The following PXDNL variants were observed in gnomAD, a reference collection of about 807,000 sequenced individuals.
PXDNL encodes probable oxidoreductase PXDNL.
A neutral mutation model predicts 150.8 loss-of-function variants in PXDNL; 145 were observed. That is an observed-to-expected ratio of 0.96 (90% confidence interval 0.84 to 1.10). The LOEUF (loss-of-function observed/expected upper bound fraction) is 1.10. Among genes scored for constraint, PXDNL ranks in the 50% least tolerant of loss-of-function variants. The pLI is 0.00. For missense variants in PXDNL, 2,087 were observed against 1,873.9 expected (o/e 1.11, Z -2.10); for synonymous variants, 757 against 725.7 (o/e 1.04, Z -0.69).
At chr8:51,548,094 C>CAAAA (rs35793477) in intron 4 of PXDNL, among the ~76,000 whole-genome samples, 1 of 101,168 alleles carries the variant, frequency 9.9e-6, no homozygotes, top group African/African-American at 3.3e-5. Context: ...CTTCAGAATT[C>CAAAA]AAAAAAAAAA....
At chr8:51,663,750 CAGAGAGCTGATCAAG>C (rs1815324273) in intron 1 of PXDNL, among the ~76,000 whole-genome samples, 1 of 152,108 alleles carries the variant, frequency 6.6e-6, no homozygotes, top group South Asian at 2.1e-4. Context: ...TCTTACAGGT[CAGAGAGCTGATCAAG>C]AGAGATGAGG....
chr8:51,692,260 T>C (rs1816019856), intron 1 of PXDNL, among the ~76,000 whole-genome samples: 1 of 152,202 alleles, frequency 6.6e-6, no homozygotes, highest in Non-Finnish European at 1.5e-5. Flanking sequence ...TAATTATCAT[T>C]GGTTCTCAAA....
intron 2 of PXDNL, among the ~76,000 whole-genome samples, chr8:51,610,968 G>T (rs888777796): frequency 1.3e-5 from 2 of 152,164 alleles, no homozygotes; most frequent in African/African-American, 4.8e-5. Flanking sequence ...CTTTGCAGTA[G>T]TGTAAGTAAT....
chr8:51,631,890 T>C (rs1214494321), intron 2 of PXDNL, among the ~76,000 whole-genome samples: 2 of 151,684 alleles, frequency 1.3e-5, no homozygotes, highest in Non-Finnish European at 2.9e-5. Context: ...AATAGTAAAA[T>C]AAAAAATTAA....
intron 17 of PXDNL, among the ~76,000 whole-genome samples, chr8:51,406,792 C>G (rs902115971): frequency 7.9e-5 from 12 of 152,198 alleles, no homozygotes; most frequent in African/African-American, 2.9e-4. Flanking sequence ...CCGGCTCCCC[C>G]GCACGCTGTC....
At chr8:51,332,377 A>G (rs1051098807) in intron 21 of PXDNL, among the ~76,000 whole-genome samples, 6 of 152,222 alleles carry the variant, frequency 3.9e-5, no homozygotes, top group Non-Finnish European at 5.9e-5. Context: ...TCAAATGAGA[A>G]GGAACCAGAA....
At chr8:51,660,736 A>C (rs1428138722) in intron 1 of PXDNL, among the ~76,000 whole-genome samples, 1 of 152,158 alleles carries the variant, frequency 6.6e-6, no homozygotes, top group Admixed American at 6.5e-5. Flanking sequence ...TCCCTGAGCT[A>C]CCATGAAGGG....
intron 2 of PXDNL, among the ~76,000 whole-genome samples, chr8:51,628,697 C>G (rs1814420916): frequency 6.6e-6 from 1 of 151,858 alleles, no homozygotes; most frequent in African/African-American, 2.4e-5. Flanking sequence ...GCCACCACAC[C>G]CGGCCTCTGT....
rs137884889 is a variant in PXDNL at position 51,531,393 on chromosome 8, G to A, written c.380+25447C>T. 3.4e-3 allele frequency among the ~76,000 whole-genome samples: 517 copies of A among 152,262 alleles called. 2 individuals carry two copies. Among genetic ancestry groups the A allele is most frequent in the Non-Finnish European group, 5.4e-3 (369 of 68,020 alleles). On this transcript the variant is annotated intron_variant, in intron 4 of 22. Transcript: ENST00000356297. ...TCCTCCCTCCGCCCCACTGCCCACA[G>A]CATATACTGAAGCCGGGGAGTGGAT... is the stretch of plus-strand genomic sequence containing the variant.
At chr8:51,365,294 C>T (rs1806879327) in intron 19 of PXDNL, among the ~76,000 whole-genome samples, 1 of 152,196 alleles carries the variant, frequency 6.6e-6, no homozygotes, top group South Asian at 2.1e-4. Flanking sequence ...AATAAAATTG[C>T]TCTAGATCAC....
chr8:51,449,063 A>G lies in PXDNL; in HGVS notation c.1305T>C (p.Ala435=), dbSNP rs113638382. ...PKDQVVLEEH[A]VEWLCEADGN... ...CGTCAGCTTCACAGAGCCACTCTACAGCATGTTCTTCCAGCACCACTTGAT... is the reference window on the plus strand; with the variant it reads ...CGTCAGCTTCACAGAGCCACTCTACGGCATGTTCTTCCAGCACCACTTGAT... Residue 435 remains alanine (A), a synonymous_variant, in exon 11 of 23, where the codon GCT becomes GCC. Coordinates refer to ENST00000356297, the MANE Select transcript of PXDNL (RefSeq NM_144651.5). 4.4e-5 allele frequency: 69 copies of G among 1,553,504 alleles called. No individual in the cohort carries two copies. The African/African-American group carries it at 8.2e-4, about 18-fold the overall frequency.
rs1432012903 is a variant in PXDNL at position 51,409,270 on chromosome 8, G to T, written c.2354C>A (p.Thr785Lys). 1 of 1,445,232 alleles carries T rather than the reference G, an allele frequency of 6.9e-7. No individual in the cohort carries two copies. The highest frequency in any genetic ancestry group is 2.7e-5 in the East Asian group (1 of 37,204). 89.5% of individuals were successfully genotyped at this position (1,445,232 alleles called of 1,614,324 possible). The change falls in exon 17 of 23, where the codon ACA (threonine) becomes AAA (lysine). Residue 785 changes from threonine to lysine, a missense_variant. Coordinates refer to ENST00000356297, the MANE Select transcript of PXDNL (RefSeq NM_144651.5). ...QPLPPPRLVA[T>K]VWARAAAVTP... ...GACGGCCGCCGCGCGCGCCCACACT[G>T]TGGCGACCAGCCGGGGCGGCGGGAG...
chr8:51,616,463 C>A (rs1438547712), intron 2 of PXDNL, among the ~76,000 whole-genome samples: 2 of 152,044 alleles, frequency 1.3e-5, no homozygotes, highest in Non-Finnish European at 2.9e-5. Context: ...TACACAGAAA[C>A]ACACACACAC....
At chr8:51,611,755 CT>C (rs1189057952) in intron 2 of PXDNL, among the ~76,000 whole-genome samples, 1 of 151,862 alleles carries the variant, frequency 6.6e-6, no homozygotes. Context: ...GGGAGCACGG[CT>C]TTCTGGAAGA....
chr8:51,723,283 T>C (rs1186886064), intron 1 of PXDNL, among the ~76,000 whole-genome samples: 1 of 152,110 alleles, frequency 6.6e-6, no homozygotes, highest in Non-Finnish European at 1.5e-5. Flanking sequence ...GAAACACAAA[T>C]TGAGAGTCAA....
At chr8:51,734,855 G>A (rs114578926) in intron 1 of PXDNL, among the ~76,000 whole-genome samples, 4 of 152,162 alleles carry the variant, frequency 2.6e-5, no homozygotes, top group Admixed American at 2.0e-4. Flanking sequence ...TGAAGGTCTT[G>A]GAAGTCTCAG....
chr8:51,393,982 T>C (rs1807993268), intron 17 of PXDNL, among the ~76,000 whole-genome samples: 1 of 152,206 alleles, frequency 6.6e-6, no homozygotes, highest in Admixed American at 6.5e-5. Flanking sequence ...GGAAATAATA[T>C]AGTGGCTAAA....
chr8:51,602,782 A>T (rs1235061791), intron 2 of PXDNL, among the ~76,000 whole-genome samples: 1 of 151,480 alleles, frequency 6.6e-6, no homozygotes, highest in Non-Finnish European at 1.5e-5. Context: ...TTTTACAATT[A>T]TTTTTTCAAA....
intron 1 of PXDNL, among the ~76,000 whole-genome samples, chr8:51,784,628 A>G (rs142225793): frequency 0.014 from 2,114 of 152,348 alleles, 31 homozygotes; most frequent in Middle Eastern, 0.044. Flanking sequence ...CAAGTGCAAC[A>G]TGCTTCTAGT....
Sources: gnomAD v4.1 joint callset for allele counts (sites outside exome capture counted in the v4.1 genomes callset) on GRCh38, gnomAD v4.1.1 for gene constraint, MANE v1.5 for transcripts, NCBI Gene and HGNC (gene_info 2026-07-23, HGNC 2026-07-21) for gene names.